Variants in ANO4 observed in about 807,000 individuals in gnomAD.
ANO4 encodes the protein anoctamin 4.
ANO4 carries 69 observed loss-of-function variants against 141.9 expected under a neutral mutation model. That is an observed-to-expected ratio of 0.49 (90% CI 0.40 to 0.59). ANO4 has a LOEUF of 0.59. ANO4 is among the 20% of genes least tolerant of loss of function. The pLI is 0.00. For synonymous variants in ANO4, 350 were observed against 394.3 expected (o/e 0.89, Z 1.33); for missense variants, 894 against 1,162.2 (o/e 0.77, Z 3.36).
At chr12:101,082,776 G>A (rs2049336248) in intron 15 of ANO4, among the ~76,000 whole-genome samples, 1 of 152,186 alleles carries the variant, frequency 6.6e-6, no homozygotes. Flanking sequence ...CTCGTTCCTT[G>A]CTTTCTGCCA....
At chr12:100,849,185 A>G (rs1183947804) in intron 1 of ANO4, among the ~76,000 whole-genome samples, 3 of 152,226 alleles carry the variant, frequency 2.0e-5, no homozygotes, top group Non-Finnish European at 4.4e-5. Context: ...ACATTTGCCT[A>G]TTACAATAGA....
chr12:101,107,986 T>C (rs530241028), intron 22 of ANO4, among the ~76,000 whole-genome samples: 3 of 152,220 alleles, frequency 2.0e-5, no homozygotes, highest in Non-Finnish European at 4.4e-5. Flanking sequence ...CTGGTTTTTA[T>C]GCAAGTTGAT....
intron 9 of ANO4, 145 bp downstream of exon 9, chr12:101,020,285 A>G (rs1242978500): frequency 1.6e-6 from 1 of 612,634 alleles, no homozygotes; most frequent in Non-Finnish European, 2.9e-6. Flanking sequence ...ATAATTCACA[A>G]GTGTAAAATC....
intron 5 of ANO4, among the ~76,000 whole-genome samples, chr12:100,944,535 C>T (rs535816104): frequency 3.1e-4 from 47 of 152,160 alleles, no homozygotes; most frequent in African/African-American, 1.1e-3. Flanking sequence ...GCATCACCTT[C>T]CATATTTCTC....
At chr12:100,740,367 A>G (rs1236771450) in intron 3 of ANO4, among the ~76,000 whole-genome samples, 1 of 151,948 alleles carries the variant, frequency 6.6e-6, no homozygotes, top group Non-Finnish European at 1.5e-5. Flanking sequence ...CACGCACACC[A>G]CCATGCCCAG....
intron 9 of ANO4, among the ~76,000 whole-genome samples, chr12:101,023,716 A>G (rs938061753): frequency 6.6e-6 from 1 of 152,216 alleles, no homozygotes; most frequent in African/African-American, 2.4e-5. Flanking sequence ...ATGAACTGGA[A>G]TCATATCTAA....
intron 27 of ANO4, 97 bp downstream of exon 27, chr12:101,127,171 G>A: frequency 8.2e-7 from 1 of 1,223,722 alleles, no homozygotes. Flanking sequence ...GCAGTAACAG[G>A]GATCAAAATA....
At chr12:100,898,390 G>T (rs2040440327) in intron 1 of ANO4, among the ~76,000 whole-genome samples, 1 of 152,100 alleles carries the variant, frequency 6.6e-6, no homozygotes, top group Non-Finnish European at 1.5e-5. Context: ...TAGCCCTTGT[G>T]TGAGGAGAGC....
At chr12:100,996,990 G>A (rs1225357777) in intron 8 of ANO4, among the ~76,000 whole-genome samples, 1 of 152,154 alleles carries the variant, frequency 6.6e-6, no homozygotes, top group Admixed American at 6.5e-5. Context: ...CAGAGAGGCT[G>A]AGTGACTTGC....
chr12:100,916,193 G>T (rs1484064227), intron 2 of ANO4, among the ~76,000 whole-genome samples: 1 of 151,876 alleles, frequency 6.6e-6, no homozygotes, highest in Non-Finnish European at 1.5e-5. Context: ...AGAGGACAGA[G>T]ATTGCAAAAA....
chr12:100,725,919 A>G (rs2031094761), intron 1 of ANO4, among the ~76,000 whole-genome samples: 1 of 152,282 alleles, frequency 6.6e-6, no homozygotes, highest in Middle Eastern at 3.4e-3. Flanking sequence ...TCCAGGTGCC[A>G]TTACCTCAAT....
chr12:101,009,640 A>G (rs2046000288), intron 8 of ANO4, among the ~76,000 whole-genome samples: 1 of 152,092 alleles, frequency 6.6e-6, no homozygotes, highest in Non-Finnish European at 1.5e-5. Flanking sequence ...GGAACCTTAT[A>G]TAATTGTCTC....
intron 22 of ANO4, among the ~76,000 whole-genome samples, chr12:101,108,597 T>C (rs1486613999): frequency 6.6e-6 from 1 of 152,064 alleles, no homozygotes; most frequent in Admixed American, 6.5e-5. Flanking sequence ...AGTCATTGTT[T>C]TGTTGTTGTT....
chr12:101,107,550 C>CTAAG (rs10644134), intron 22 of ANO4, among the ~76,000 whole-genome samples: 75,165 of 151,584 alleles, frequency 0.5, 21,022 homozygotes, highest in African/African-American at 0.78. Context: ...CATAGCAACA[C>CTAAG]TGCATATATG....
At chr12:100,759,303 A>C (rs541619499) in intron 3 of ANO4, among the ~76,000 whole-genome samples, 37 of 152,246 alleles carry the variant, frequency 2.4e-4, no homozygotes, top group Non-Finnish European at 5.1e-4. Context: ...CACCTACTAC[A>C]TGCCTGATGA....
rs2135630431 is a variant in ANO4, at chr12:100,794,878, T to G, written c.-290T>G. ...GGCCCGAGGGGAGGCTGAAAAGGACTTGTGTGTGGTGGTTTTATTGCCTGT... is the reference window on the plus strand; with the variant it reads ...GGCCCGAGGGGAGGCTGAAAAGGACGTGTGTGTGGTGGTTTTATTGCCTGT... On this transcript the variant is annotated 5_prime_UTR_variant, in exon 1 of 28. Coordinates refer to ENST00000392977, the MANE Select transcript of ANO4 (RefSeq NM_001286615.2). 6.5e-6 allele frequency: 1 copy of G among 152,778 alleles called. No homozygotes were observed. The highest frequency in any genetic ancestry group is 1.9e-4 in the East Asian group (1 of 5,166). 9.5% of individuals were successfully genotyped at this position (152,778 alleles called of 1,614,324 possible). A position where few individuals can be genotyped will look rare whatever the true frequency, so the allele number is the denominator to read the frequency against.
intron 3 of ANO4, among the ~76,000 whole-genome samples, chr12:100,769,543 A>C (rs2033214036): frequency 6.6e-6 from 1 of 152,192 alleles, no homozygotes; most frequent in Non-Finnish European, 1.5e-5. Context: ...TGAGGCTGTT[A>C]TAAATTTGCA....
At chr12:100,962,850 G>C (rs764329947) in intron 5 of ANO4, among the ~76,000 whole-genome samples, 2 of 152,218 alleles carry the variant, frequency 1.3e-5, no homozygotes, top group African/African-American at 2.4e-5. Flanking sequence ...CCATGAGGCT[G>C]TTGCAGTATT....
chr12:101,062,704 C>G (rs1288967094), intron 14 of ANO4, among the ~76,000 whole-genome samples: 1 of 152,214 alleles, frequency 6.6e-6, no homozygotes, highest in Non-Finnish European at 1.5e-5. Context: ...ATTACCTACT[C>G]AAGCCTCAGC....
Sources: allele counts gnomAD v4.1 joint callset (sites outside exome capture counted in the v4.1 genomes callset), GRCh38; gene constraint gnomAD v4.1.1; transcripts MANE v1.5; gene names NCBI Gene and HGNC (gene_info 2026-07-23, HGNC 2026-07-21).